ASIP: variants seen among roughly 807,000 people sequenced by gnomAD.
ASIP encodes agouti-signaling protein.
In ASIP, 11 loss-of-function variants were observed where a neutral mutation model predicts 10.3. That is an observed-to-expected ratio of 1.07 (90% CI 0.68 to 1.78). The LOEUF (loss-of-function observed/expected upper bound fraction) is 1.78. Ranked by LOEUF, ASIP falls within the 40% of genes most tolerant of loss-of-function variation. The pLI is 0.00. For synonymous variants in ASIP, 70 were observed against 70.8 expected (o/e 0.99, Z 0.06); for missense variants, 180 against 169.2 (o/e 1.06, Z -0.35).
intron 1 of ASIP, among the ~76,000 whole-genome samples, chr20:34,257,994 A>G (rs1232638553): frequency 6.6e-6 from 1 of 152,106 alleles, no homozygotes; most frequent in Non-Finnish European, 1.5e-5. Context: ...AAATACAAAA[A>G]TTAGCTGGGC....
chr20:34,253,230 C>T (rs1025407522), intron 1 of ASIP, among the ~76,000 whole-genome samples: 3 of 151,636 alleles, frequency 2.0e-5, no homozygotes, highest in Non-Finnish European at 4.4e-5. Flanking sequence ...CTCAGCCTCC[C>T]GAGTAGCTGG....
chr20:34,246,192 C>T, intron 1 of ASIP: 1 of 1,337,382 alleles, frequency 7.5e-7, no homozygotes, highest in Non-Finnish European at 1.0e-6. Flanking sequence ...GGAATTTTGG[C>T]CTTAGTAAGC....
chr20:34,196,149 A>C (rs1380673233), intron 1 of ASIP, among the ~76,000 whole-genome samples: 1 of 151,574 alleles, frequency 6.6e-6, no homozygotes, highest in Non-Finnish European at 1.5e-5. Context: ...CCAGAGCCAG[A>C]ACTCTCATTG....
intron 1 of ASIP, among the ~76,000 whole-genome samples, chr20:34,223,634 G>A (rs1282217208): frequency 6.9e-6 from 1 of 144,726 alleles, no homozygotes; most frequent in Non-Finnish European, 1.5e-5. Flanking sequence ...GCCCCGTCCG[G>A]GAGGTGAGGG....
chr20:34,262,349 A>G (rs2035707954), intron 2 of ASIP, among the ~76,000 whole-genome samples: 1 of 152,234 alleles, frequency 6.6e-6, no homozygotes, highest in African/African-American at 2.4e-5. Context: ...CATAGTCATT[A>G]TATTGGCAGA....
chr20:34,223,134 G>C (rs1244861233), intron 1 of ASIP, among the ~76,000 whole-genome samples: 1 of 151,554 alleles, frequency 6.6e-6, no homozygotes, highest in Non-Finnish European at 1.5e-5. Context: ...GCCCAGTCTG[G>C]AAAGTGAGGA....
intron 1 of ASIP, among the ~76,000 whole-genome samples, chr20:34,235,899 A>AGG (rs2035193130): frequency 3.1e-5 from 2 of 64,626 alleles, no homozygotes; most frequent in African/African-American, 5.0e-4. Flanking sequence ...GGAAGGAAGG[A>AGG]AAGGAAGGAA....
chr20:34,258,759 TG>T (rs2035631075), intron 1 of ASIP, among the ~76,000 whole-genome samples: 3 of 92,898 alleles, frequency 3.2e-5, no homozygotes, highest in Non-Finnish European at 4.0e-5. Flanking sequence ...ATATAATATA[TG>T]ATATATATAA....
chr20:34,213,555 A>G (rs759718399), intron 1 of ASIP: 74 of 1,536,708 alleles, frequency 4.8e-5, no homozygotes, highest in East Asian at 3.8e-4. Flanking sequence ...CAAAAATTGC[A>G]TGAAGCAGGG....
chr20:34,220,513 T>C (rs2035038677), intron 1 of ASIP, among the ~76,000 whole-genome samples: 1 of 151,674 alleles, frequency 6.6e-6, no homozygotes, highest in African/African-American at 2.4e-5. Flanking sequence ...GAGGATCGCT[T>C]GAACCCAGGA....
intron 1 of ASIP, 106 bp from the exon 2 acceptor site, chr20:34,260,259 C>T: frequency 2.5e-6 from 3 of 1,183,758 alleles, no homozygotes; most frequent in South Asian, 3.4e-5. Flanking sequence ...AGGACACTTG[C>T]CTAACAGGGT....
chr20:34,234,070 T>C (rs1179812930), intron 1 of ASIP, among the ~76,000 whole-genome samples: 1 of 152,198 alleles, frequency 6.6e-6, no homozygotes, highest in East Asian at 1.9e-4. Flanking sequence ...TTGATGATGG[T>C]GTCACCATGT....
At chr20:34,205,163 T>C (rs775244636) in intron 1 of ASIP, among the ~76,000 whole-genome samples, 2 of 152,152 alleles carry the variant, frequency 1.3e-5, no homozygotes, top group African/African-American at 2.4e-5. Context: ...TGTCCGGAGT[T>C]TGTTCCTTCA....
chr20:34,235,805 G>T (rs1601584674), intron 1 of ASIP, among the ~76,000 whole-genome samples: 1 of 54,036 alleles, frequency 1.9e-5, no homozygotes, highest in African/African-American at 2.1e-4. Flanking sequence ...AAGAAAGAAA[G>T]AAAGAAAGAA....
chr20:34,262,125 AAAG>A (rs1259966393), intron 2 of ASIP, among the ~76,000 whole-genome samples: 16 of 152,284 alleles, frequency 1.1e-4, no homozygotes, highest in East Asian at 1.9e-4. Context: ...AAGAAAAAAA[AAAG>A]AAGAAGAAGA....
chr20:34,260,685 G>C, intron 2 of ASIP, 151 bp downstream of exon 2: 1 of 945,820 alleles, frequency 1.1e-6, no homozygotes, highest in Non-Finnish European at 1.5e-6. Flanking sequence ...GGTGGCCCTT[G>C]ACTCATTTGG....
intron 2 of ASIP, among the ~76,000 whole-genome samples, chr20:34,262,104 C>CCCAGGAGTTTTTTT (rs1351984869): frequency 4.0e-5 from 6 of 151,564 alleles, no homozygotes; most frequent in Non-Finnish European, 8.8e-5. Flanking sequence ...CAGAGTGAGA[C>CCCAGGAGTTTTTTT]TCTGTCTCAA....
At chr20:34,215,199 T>C in intron 1 of ASIP, 1 of 1,600,402 alleles carries the variant, frequency 6.2e-7, no homozygotes, top group Non-Finnish European at 8.6e-7. Context: ...ACATATGACC[T>C]AGCAGCATAT....
chr20:34,255,953 C>CTG (rs778414458), intron 1 of ASIP, among the ~76,000 whole-genome samples: 141 of 152,202 alleles, frequency 9.3e-4, no homozygotes, highest in Non-Finnish European at 1.5e-3. Context: ...GAAGGCCTGA[C>CTG]ATCAGTCAGG....
Sources: gnomAD v4.1 joint callset for allele counts (sites outside exome capture counted in the v4.1 genomes callset) on GRCh38, gnomAD v4.1.1 for gene constraint, MANE v1.5 for transcripts, NCBI Gene and HGNC (gene_info 2026-07-23, HGNC 2026-07-21) for gene names.